MTAP: variants seen among roughly 807,000 people sequenced by gnomAD.
MTAP encodes methylthioadenosine phosphorylase.
In MTAP, 33 loss-of-function variants were observed where a neutral mutation model predicts 33.6. The ratio of observed to expected loss-of-function variants is 0.98; its 90% CI spans 0.74 to 1.31. The LOEUF is 1.31. MTAP is among the 40% of genes most tolerant of loss of function. The pLI is 0.00. For missense variants in MTAP, 367 were observed against 360.0 expected (o/e 1.02, Z -0.16); for synonymous variants, 148 against 125.7 (o/e 1.18, Z -1.19).
chr9:21,820,016 G>C (rs1440272627), intron 4 of MTAP, among the ~76,000 whole-genome samples: 2 of 152,062 alleles, frequency 1.3e-5, no homozygotes, highest in Non-Finnish European at 2.9e-5. Context: ...AACTTTGTTT[G>C]AGTTCTTTGT....
intron 1 of MTAP, among the ~76,000 whole-genome samples, chr9:21,901,846 C>T (rs1370824344): frequency 6.6e-6 from 1 of 152,112 alleles, no homozygotes; most frequent in Non-Finnish European, 1.5e-5. Flanking sequence ...CAGAAGTAAG[C>T]TAGTTTTACT....
chr9:21,915,102 C>CTTTTCTTTTTGA lies in MTAP; in HGVS notation c.148-15906_148-15905insTTTTCTTTTTGA. Among the ~76,000 whole-genome samples, 3 of 119,466 alleles carry CTTTTCTTTTTGA rather than the reference C, an allele frequency of 2.5e-5. 1 individual carries two copies. The highest frequency in any genetic ancestry group is 1.2e-4 in the African/African-American group (3 of 24,988). 78.4% of individuals were successfully genotyped at this position (119,466 alleles called of 152,430 possible). On this transcript the variant is annotated intron_variant, in intron 1 of 1. Transcript: ENST00000577563. ...TTTCTTTCCTTTCTTTCTTTTCTTT[C>CTTTTCTTTTTGA]GGCAGAGTCTTGCCCTCTCACCCAG...
intron 1 of MTAP, among the ~76,000 whole-genome samples, chr9:21,804,778 G>A (rs894583568): frequency 6.6e-6 from 1 of 152,242 alleles, no homozygotes; most frequent in African/African-American, 2.4e-5. Context: ...TTTTGCGGGT[G>A]TAAAGTTGAG....
chr9:21,839,460 A>G (rs369922254), intron 5 of MTAP, among the ~76,000 whole-genome samples: 6 of 152,196 alleles, frequency 3.9e-5, no homozygotes, highest in African/African-American at 1.4e-4. Context: ...TTGGGGAACT[A>G]GGAGTAGAGG....
At chr9:21,910,858 C>A (rs935969490) in intron 1 of MTAP, among the ~76,000 whole-genome samples, 2 of 152,046 alleles carry the variant, frequency 1.3e-5, no homozygotes. Context: ...CATCCCCCAG[C>A]CTTTGGAAAC....
At chr9:21,897,489 C>T (rs1431141945) in intron 1 of MTAP, among the ~76,000 whole-genome samples, 1 of 152,208 alleles carries the variant, frequency 6.6e-6, no homozygotes, top group Non-Finnish European at 1.5e-5. Flanking sequence ...ACCCCATTGT[C>T]TCAGCCCAAA....
chr9:21,929,212 T>G (rs1818915405), intron 1 of MTAP, among the ~76,000 whole-genome samples: 1 of 152,062 alleles, frequency 6.6e-6, no homozygotes, highest in African/African-American at 2.4e-5. Flanking sequence ...ACCAACACCC[T>G]CAGCTCCAGA....
chr9:21,858,565 C>A (rs1225233144), intron 6 of MTAP, among the ~76,000 whole-genome samples: 1 of 152,130 alleles, frequency 6.6e-6, no homozygotes, highest in African/African-American at 2.4e-5. Context: ...TTTAAACAAT[C>A]AGATCTCACA....
Position 21,865,876 on chromosome 9 carries a change from C to T in MTAP, c.*3862C>T, listed in dbSNP as rs560167088. 3,932 of 776,862 alleles carry T rather than the reference C, an allele frequency of 5.1e-3. 15 individuals carry two copies. Among genetic ancestry groups the T allele is most frequent in the Non-Finnish European group, 5.8e-3 (3,696 of 639,276 alleles). The allele number at this position is 776,862 out of a possible 1,614,324, so 48.1% of individuals were successfully genotyped here. On this transcript the variant is annotated 3_prime_UTR_variant, in exon 8 of 8. Coordinates refer to ENST00000644715, the MANE Select transcript of MTAP (RefSeq NM_002451.4). ...TGCCTAGTAGTATTCTGTCATATGC[C>T]TATCTTACAATTTGATTATCTATTC...
chr9:21,826,636 ATTATTATTATTAT>A (rs1336890097), intron 4 of MTAP, among the ~76,000 whole-genome samples: 1 of 146,222 alleles, frequency 6.8e-6, no homozygotes, highest in Non-Finnish European at 1.5e-5. Context: ...TATTATTATT[ATTATTATTATTAT>A]TTAACTGCAC....
chr9:21,912,469 T>C (rs1303184717), intron 1 of MTAP, among the ~76,000 whole-genome samples: 1 of 152,216 alleles, frequency 6.6e-6, no homozygotes, highest in South Asian at 2.1e-4. Flanking sequence ...GATGCAAGGC[T>C]GGTTCAACAT....
At chr9:21,857,610 T>G (rs1021468431) in intron 6 of MTAP, among the ~76,000 whole-genome samples, 2 of 152,234 alleles carry the variant, frequency 1.3e-5, no homozygotes, top group Non-Finnish European at 2.9e-5. Flanking sequence ...CAGAAGTAGC[T>G]AATAGCACGA....
intron 1 of MTAP, among the ~76,000 whole-genome samples, chr9:21,808,078 C>A (rs961920357): frequency 3.3e-5 from 5 of 152,206 alleles, no homozygotes; most frequent in African/African-American, 1.2e-4. Flanking sequence ...AGGCCCCACC[C>A]CAGTCCCAGT....
chr9:21,878,553 G>C (rs191456663), intron 1 of MTAP, among the ~76,000 whole-genome samples: 215 of 152,176 alleles, frequency 1.4e-3, no homozygotes, highest in Non-Finnish European at 2.3e-3. Flanking sequence ...GTAGAGGCAG[G>C]GATTCACCAT....
intron 5 of MTAP, among the ~76,000 whole-genome samples, chr9:21,853,223 G>A (rs1253461972): frequency 1.3e-5 from 2 of 152,036 alleles, no homozygotes; most frequent in Non-Finnish European, 2.9e-5. Context: ...CCAAGCATAT[G>A]GTTCAGTTAT....
chr9:21,873,889 AATC>A, intron 1 of MTAP, among the ~76,000 whole-genome samples: 2 of 152,260 alleles, frequency 1.3e-5, no homozygotes, highest in Middle Eastern at 3.4e-3. Flanking sequence ...TTGGTTTAAT[AATC>A]ATTTTGTTGC....
At chr9:21,931,453 T>G, downstream of MTAP, 172 of 296,980 alleles carry the variant, frequency 5.8e-4, no homozygotes, top group East Asian at 1.1e-3. Flanking sequence ...AGGTTGCAAC[T>G]GGCAGCAGGG....
downstream of MTAP, among the ~76,000 whole-genome samples, chr9:21,871,869 G>A (rs1825943087): frequency 6.6e-6 from 1 of 152,148 alleles, no homozygotes. Context: ...TTCTGGAAAA[G>A]AAAATGACTT....
chr9:21,885,748 C>A (rs1199032667), intron 1 of MTAP, among the ~76,000 whole-genome samples: 2 of 150,636 alleles, frequency 1.3e-5, no homozygotes, highest in East Asian at 3.9e-4. Flanking sequence ...GCCATTATTT[C>A]ATTCCTTTTT....
Sources: allele counts gnomAD v4.1 joint callset (sites outside exome capture counted in the v4.1 genomes callset), GRCh38; gene constraint gnomAD v4.1.1; transcripts MANE v1.5; gene names NCBI Gene and HGNC (gene_info 2026-07-23, HGNC 2026-07-21).